The following NEGR1 variants were observed in gnomAD, a reference collection of about 807,000 sequenced individuals.
The protein encoded by NEGR1 is neuronal growth regulator 1, also known as IgLON family member 4.
Under a neutral mutation model 40.9 loss-of-function variants are expected in NEGR1, and 10 were observed. The ratio of observed to expected loss-of-function variants is 0.24; its 90% CI spans 0.15 to 0.42. The LOEUF (loss-of-function observed/expected upper bound fraction) is 0.42. Ranked by LOEUF, NEGR1 falls within the 10% of genes least tolerant of loss-of-function variation. NEGR1 has a pLI of 1.00. For synonymous variants in NEGR1, 185 were observed against 166.8 expected (o/e 1.11, Z -0.84); for missense variants, 352 against 438.9 (o/e 0.80, Z 1.77).
intron 1 of NEGR1, among the ~76,000 whole-genome samples, chr1:71,994,546 AC>A (rs113016609): frequency 0.44 from 65,671 of 148,084 alleles, 14,989 homozygotes; most frequent in East Asian, 0.66. Flanking sequence ...AACAAAACAA[AC>A]AAAAAAAAAA....
At chr1:72,071,128 C>T (rs1377155456) in intron 1 of NEGR1, among the ~76,000 whole-genome samples, 1 of 151,696 alleles carries the variant, frequency 6.6e-6, no homozygotes, top group Admixed American at 6.6e-5. Flanking sequence ...AAAATAGAAC[C>T]ACAGGCATAT....
chr1:72,240,248 A>G (rs928561875), intron 1 of NEGR1, among the ~76,000 whole-genome samples: 7 of 151,894 alleles, frequency 4.6e-5, no homozygotes, highest in East Asian at 1.9e-4. Flanking sequence ...GATGAAGTCC[A>G]TAACAGCAGA....
chr1:71,959,899 C>A (rs1646150355), intron 1 of NEGR1, among the ~76,000 whole-genome samples: 1 of 152,012 alleles, frequency 6.6e-6, no homozygotes, highest in Admixed American at 6.6e-5. Context: ...AATAAGAAGA[C>A]AGAAACGGCA....
chr1:71,592,777 G>C (rs753739094), intron 6 of NEGR1, 40 bp downstream of exon 6: 2 of 1,541,724 alleles, frequency 1.3e-6, no homozygotes, highest in Middle Eastern at 1.7e-4. Context: ...TAGGGGCCCA[G>C]AGGCCCCTGG....
chr1:72,152,597 T>G (rs1651165481), intron 1 of NEGR1, among the ~76,000 whole-genome samples: 2 of 151,994 alleles, frequency 1.3e-5, no homozygotes, highest in African/African-American at 4.8e-5. Context: ...AAAACAGAGC[T>G]ACCATTTGAC....
At chr1:71,779,135 AAGCAGATGCCATGTGTAAGAGGGCC>A (rs1423118650) in intron 2 of NEGR1, among the ~76,000 whole-genome samples, 1 of 152,178 alleles carries the variant, frequency 6.6e-6, no homozygotes, top group Non-Finnish European at 1.5e-5. Flanking sequence ...CACTTGTTGG[AAGCAGATGCCATGTGTAAGAGGGCC>A]AGTGAAATCC....
chr1:72,064,376 T>C (rs945216628), intron 1 of NEGR1, among the ~76,000 whole-genome samples: 14 of 152,002 alleles, frequency 9.2e-5, no homozygotes, highest in African/African-American at 3.4e-4. Flanking sequence ...GAGCTGAGGA[T>C]CCTTTACCTC....
intron 1 of NEGR1, among the ~76,000 whole-genome samples, chr1:72,098,994 G>T (rs1648825670): frequency 6.6e-6 from 1 of 151,660 alleles, no homozygotes; most frequent in Non-Finnish European, 1.5e-5. Context: ...GTAAAATTTG[G>T]AATTTAGAAT....
rs780003189 is a variant in NEGR1 at position 71,805,653 on chromosome 1, G to A, written c.410-29356C>T. On this transcript the variant is annotated intron_variant, in intron 2 of 6. Coordinates refer to ENST00000357731, the MANE Select transcript of NEGR1 (RefSeq NM_173808.3). ...TATTTAGCTAGATATTTCATTGCAAGCTCATTACAGTTTGCAAACAATATT... is the reference window on the plus strand; with the variant it reads ...TATTTAGCTAGATATTTCATTGCAAACTCATTACAGTTTGCAAACAATATT... 2.0e-5 allele frequency among the ~76,000 whole-genome samples: 3 copies of A among 152,148 alleles called. No homozygotes were observed. The South Asian group carries it at 6.2e-4, about 32-fold the overall frequency.
intron 6 of NEGR1, among the ~76,000 whole-genome samples, chr1:71,586,287 G>A (rs1649303370): frequency 6.6e-6 from 1 of 152,102 alleles, no homozygotes; most frequent in South Asian, 2.1e-4. Context: ...AACTGGTTTA[G>A]ACAAGAAGTT....
At chr1:71,692,770 C>T (rs59175893) in intron 4 of NEGR1, among the ~76,000 whole-genome samples, 5,558 of 151,806 alleles carry the variant, frequency 0.037, 132 homozygotes, top group African/African-American at 0.071. Flanking sequence ...TAAATGAATA[C>T]GTAGCAGATG....
intron 3 of NEGR1, among the ~76,000 whole-genome samples, chr1:71,700,081 CA>C (rs1267070155): frequency 6.6e-6 from 1 of 151,916 alleles, no homozygotes; most frequent in Non-Finnish European, 1.5e-5. Flanking sequence ...GAAAATTTGA[CA>C]TTTCGTTAGA....
chr1:71,592,433 A>T (rs1002591707), intron 6 of NEGR1, among the ~76,000 whole-genome samples: 10 of 152,198 alleles, frequency 6.6e-5, no homozygotes, highest in African/African-American at 2.2e-4. Flanking sequence ...TATGAAAACC[A>T]ACCAAGAGTA....
chr1:71,999,091 T>C (rs1646531772), intron 1 of NEGR1, among the ~76,000 whole-genome samples: 2 of 151,974 alleles, frequency 1.3e-5, no homozygotes, highest in Admixed American at 6.6e-5. Flanking sequence ...GGCTTTACTA[T>C]GGTTTTAGGT....
chr1:72,002,382 C>T (rs1646565315), intron 1 of NEGR1, among the ~76,000 whole-genome samples: 1 of 151,932 alleles, frequency 6.6e-6, no homozygotes, highest in African/African-American at 2.4e-5. Context: ...ATTTTTCATT[C>T]TCGCATTGAA....
intron 2 of NEGR1, among the ~76,000 whole-genome samples, chr1:71,818,286 A>C (rs1159456175): frequency 6.6e-6 from 1 of 152,024 alleles, no homozygotes; most frequent in Non-Finnish European, 1.5e-5. Context: ...AATCAACCTG[A>C]ATGTTCATCA....
At chr1:71,902,146 T>A (rs1035320409) in intron 2 of NEGR1, among the ~76,000 whole-genome samples, 8 of 152,088 alleles carry the variant, frequency 5.3e-5, no homozygotes, top group African/African-American at 1.9e-4. Flanking sequence ...ACTTAGAAAT[T>A]GAAAGAGGTA....
chr1:72,015,709 T>A (rs1450160301), intron 1 of NEGR1, among the ~76,000 whole-genome samples: 1 of 152,042 alleles, frequency 6.6e-6, no homozygotes, highest in Non-Finnish European at 1.5e-5. Context: ...ATAAATTAGG[T>A]ATTTTGCTAG....
chr1:71,507,859 C>G (rs1647045819), intron 6 of NEGR1, among the ~76,000 whole-genome samples: 1 of 152,162 alleles, frequency 6.6e-6, no homozygotes, highest in Non-Finnish European at 1.5e-5. Flanking sequence ...GAATCAAACT[C>G]TCAAAAAGCA....
Sources: allele counts gnomAD v4.1 joint callset (sites outside exome capture counted in the v4.1 genomes callset), GRCh38; gene constraint gnomAD v4.1.1; transcripts MANE v1.5; gene names NCBI Gene and HGNC (gene_info 2026-07-23, HGNC 2026-07-21).